PTPRD: variants seen among roughly 807,000 people sequenced by gnomAD.
PTPRD encodes receptor-type tyrosine-protein phosphatase delta.
PTPRD carries 34 observed loss-of-function variants against 214.5 expected under a neutral mutation model. The observed-to-expected ratio is 0.16, with a 90% confidence interval of 0.12 to 0.21. The LOEUF is 0.21. Ranked by LOEUF, PTPRD falls within the 10% of genes least tolerant of loss-of-function variation. The probability of loss-of-function intolerance (pLI) is 1.00; values close to 1 mark genes in which losing one functional copy is unlikely to be tolerated. For synonymous variants in PTPRD, 1,128 were observed against 845.7 expected (o/e 1.33, Z -5.79); for missense variants, 2,545 against 2,398.7 (o/e 1.06, Z -1.27).
In PTPRD at chr9:10,187,865, C is replaced by G. The variant is rs542039115; in HGVS notation, c.-545+153098G>C. On this transcript the variant is annotated intron_variant, in intron 3 of 45. Transcript: ENST00000381196. ...AGCTCTCCTATTCATACTTTACAAT[C>G]TGGCTAGAATTATCTTTCCTAAATG... 3.3e-5 allele frequency among the ~76,000 whole-genome samples: 5 copies of G among 152,334 alleles called. No homozygotes were observed. In the South Asian group the frequency reaches 1.0e-3, roughly 32 times the overall value.
intron 5 of PTPRD, among the ~76,000 whole-genome samples, chr9:9,930,664 T>C (rs1276081014): frequency 6.6e-6 from 1 of 152,130 alleles, no homozygotes; most frequent in Non-Finnish European, 1.5e-5. Flanking sequence ...AAAGATAGCA[T>C]TGAGTATATC....
chr9:8,978,797 T>C (rs2099285646), intron 11 of PTPRD, among the ~76,000 whole-genome samples: 2 of 152,104 alleles, frequency 1.3e-5, no homozygotes, highest in Admixed American at 6.6e-5. Flanking sequence ...TAAGTGAGGC[T>C]CAGAAAACGA....
At chr9:9,483,535 CT>C (rs1427471149) in intron 8 of PTPRD, among the ~76,000 whole-genome samples, 2 of 152,026 alleles carry the variant, frequency 1.3e-5, no homozygotes, top group Non-Finnish European at 2.9e-5. Context: ...TTACTAGAGT[CT>C]AAAGACAAAT....
intron 10 of PTPRD, among the ~76,000 whole-genome samples, chr9:9,170,713 G>T (rs1190193933): frequency 4.6e-5 from 7 of 152,170 alleles, no homozygotes; most frequent in South Asian, 2.1e-4. Flanking sequence ...TGACAAAAAG[G>T]AATGCACTAA....
chr9:9,626,067 A>C (rs968711692), intron 7 of PTPRD, among the ~76,000 whole-genome samples: 6 of 152,202 alleles, frequency 3.9e-5, no homozygotes, highest in African/African-American at 1.2e-4. Context: ...TACTTGCAAA[A>C]ACAGGCAAAG....
At chr9:9,631,765 C>A (rs766384837) in intron 7 of PTPRD, among the ~76,000 whole-genome samples, 1 of 152,088 alleles carries the variant, frequency 6.6e-6, no homozygotes, top group Non-Finnish European at 1.5e-5. Context: ...TAGTAGGGAG[C>A]GTTATCCTAC....
chr9:9,116,004 G>A (rs2154458644), intron 10 of PTPRD, among the ~76,000 whole-genome samples: 1 of 152,194 alleles, frequency 6.6e-6, no homozygotes, highest in Middle Eastern at 3.4e-3. Flanking sequence ...TCACTTATAA[G>A]TGAGCTAAAC....
At chr9:9,338,824 T>G (rs2045623220) in intron 9 of PTPRD, among the ~76,000 whole-genome samples, 1 of 152,154 alleles carries the variant, frequency 6.6e-6, no homozygotes, top group African/African-American at 2.4e-5. Flanking sequence ...GTATTTCTCC[T>G]AATGCCATCT....
intron 12 of PTPRD, 33 bp downstream of exon 12, chr9:8,733,747 C>A (rs2098686888): frequency 6.5e-7 from 1 of 1,550,030 alleles, no homozygotes; most frequent in South Asian, 1.2e-5. Context: ...TCATTATGGT[C>A]ACAGCCCCCT....
At chr9:10,423,330 A>G (rs1207518338) in intron 2 of PTPRD, among the ~76,000 whole-genome samples, 1 of 152,036 alleles carries the variant, frequency 6.6e-6, no homozygotes, top group Non-Finnish European at 1.5e-5. Context: ...GGAGAGGGAT[A>G]CTATTAGGAG....
intron 3 of PTPRD, among the ~76,000 whole-genome samples, chr9:10,306,196 C>G (rs1306228657): frequency 2.0e-5 from 3 of 151,512 alleles, no homozygotes; most frequent in African/African-American, 7.3e-5. Flanking sequence ...ACCGCATGTT[C>G]CCACTCATAA....
At chr9:8,716,337 A>G (rs1025184840) in intron 12 of PTPRD, among the ~76,000 whole-genome samples, 1 of 152,234 alleles carries the variant, frequency 6.6e-6, no homozygotes, top group Non-Finnish European at 1.5e-5. Flanking sequence ...AATTGTGGTT[A>G]AAGTACTTCA....
intron 8 of PTPRD, among the ~76,000 whole-genome samples, chr9:9,527,660 G>T (rs1186502638): frequency 1.3e-5 from 2 of 152,002 alleles, no homozygotes; most frequent in Non-Finnish European, 2.9e-5. Context: ...AACTCTTCAA[G>T]CATCTATCCT....
chr9:8,401,743 C>A (rs558522860), intron 36 of PTPRD, among the ~76,000 whole-genome samples: 2 of 152,262 alleles, frequency 1.3e-5, no homozygotes, highest in Non-Finnish European at 2.9e-5. Context: ...TCAATCACTG[C>A]GGCCACTTCC....
At chr9:9,462,254 T>C (rs916736540) in intron 8 of PTPRD, among the ~76,000 whole-genome samples, 6 of 151,990 alleles carry the variant, frequency 3.9e-5, no homozygotes, top group African/African-American at 1.4e-4. Flanking sequence ...GAAAAGGGAG[T>C]TTAGAACTAG....
At chr9:9,933,794 C>T (rs1436713013) in intron 5 of PTPRD, among the ~76,000 whole-genome samples, 1 of 149,292 alleles carries the variant, frequency 6.7e-6, no homozygotes, top group Non-Finnish European at 1.5e-5. Context: ...AGCACCACAC[C>T]ACACCTATTC....
At chr9:9,271,104 A>C (rs1296153121) in intron 9 of PTPRD, among the ~76,000 whole-genome samples, 4 of 151,300 alleles carry the variant, frequency 2.6e-5, no homozygotes, top group Non-Finnish European at 4.4e-5. Context: ...TATGCTGCTG[A>C]TATGAAGCCT....
chr9:10,326,235 G>A (rs1271276148), intron 3 of PTPRD, among the ~76,000 whole-genome samples: 1 of 151,570 alleles, frequency 6.6e-6, no homozygotes, highest in Non-Finnish European at 1.5e-5. Flanking sequence ...ATAAAAGGCT[G>A]TCACATAATT....
rs1003002777 is a variant in PTPRD at position 9,924,597 on chromosome 9, C to T, written c.-368+13910G>A. On this transcript the variant is annotated intron_variant, in intron 5 of 45. Transcript: ENST00000381196. ...TGCCTTTCCAGTACGCTTTCACTTT[C>T]CTTTCCTTGTTTAGAAACTTTTTAA... Among the ~76,000 whole-genome samples, 3 of 149,938 alleles carry T rather than the reference C, an allele frequency of 2.0e-5. No homozygotes were observed. In the Admixed American group the frequency reaches 2.0e-4, roughly 10 times the overall value.
Sources: gnomAD v4.1 joint callset for allele counts (sites outside exome capture counted in the v4.1 genomes callset) on GRCh38, gnomAD v4.1.1 for gene constraint, MANE v1.5 for transcripts, NCBI Gene and HGNC (gene_info 2026-07-23, HGNC 2026-07-21) for gene names.